Variants in ITPK1 observed in about 807,000 individuals in gnomAD.
The protein encoded by ITPK1 is inositol 1,3,4-trisphosphate 5/6-kinase.
A neutral mutation model predicts 45.3 loss-of-function variants in ITPK1; 21 were observed. The observed-to-expected ratio is 0.46, with a 90% CI of 0.33 to 0.67. ITPK1 has a LOEUF of 0.67. ITPK1 is among the 30% of genes least tolerant of loss of function. ITPK1 has a pLI of 0.02. For synonymous variants in ITPK1, 258 were observed against 253.6 expected (o/e 1.02, Z -0.16); for missense variants, 474 against 573.5 (o/e 0.83, Z 1.77).
intron 3 of ITPK1, among the ~76,000 whole-genome samples, chr14:93,043,830 C>T (rs1445101466): frequency 6.6e-6 from 1 of 152,248 alleles, no homozygotes; most frequent in Admixed American, 6.5e-5. Flanking sequence ...CAGCCCCACC[C>T]TTCCTCTCCT....
Position 92,941,659 on chromosome 14 carries a change from T to G in ITPK1, c.1147A>C (p.Lys383Gln), listed in dbSNP as rs1448261620. 4.2e-5 allele frequency: 65 copies of G among 1,540,380 alleles called. No homozygotes were observed. The highest frequency in any genetic ancestry group is 5.6e-5 in the Non-Finnish European group (64 of 1,145,358). Residue 383 changes from lysine (K) to glutamine (Q), a missense_variant, in exon 11 of 11, where the codon AAG (lysine) becomes CAG (glutamine). Physicochemically the swap from Lys to Gln is moderately conservative, Grantham distance 53. Around this residue, in one of 2 missense-constraint regions of ITPK1, gnomAD observed 107 missense variants for 92.9 expected, o/e 1.15. Transcript: ENST00000267615. ...KAEADAGGTA[K>Q]LPHQRLGCNA... Reference sequence around the variant, plus strand: ...CAGCCGAGTCTCTGGTGCGGCAGCTTGGCGGTGCCGCCCGCGTCGGCCTCA... The same window carrying G: ...CAGCCGAGTCTCTGGTGCGGCAGCTGGGCGGTGCCGCCCGCGTCGGCCTCA...
intron 3 of ITPK1, among the ~76,000 whole-genome samples, chr14:93,031,165 G>A (rs560251831): frequency 6.6e-5 from 10 of 152,128 alleles, no homozygotes; most frequent in Non-Finnish European, 1.5e-4. Flanking sequence ...TCTAAGGAAG[G>A]CCTGGGCAAG....
chr14:93,105,767 G>A (rs1235982500), intron 2 of ITPK1, among the ~76,000 whole-genome samples: 2 of 148,654 alleles, frequency 1.3e-5, no homozygotes, highest in East Asian at 2.0e-4. Context: ...ACAGTGGCGC[G>A]ATCTCGGCTC....
At chr14:93,021,594 A>T (rs1888466236) in intron 3 of ITPK1, among the ~76,000 whole-genome samples, 1 of 141,450 alleles carries the variant, frequency 7.1e-6, no homozygotes, top group Non-Finnish European at 1.6e-5. Context: ...CCCTGTCTCA[A>T]AAAAAAAAAG....
At chr14:92,946,236 G>A (rs568801050) in intron 10 of ITPK1, 95 bp downstream of exon 10, 1 of 1,417,652 alleles carries the variant, frequency 7.1e-7, no homozygotes, top group African/African-American at 1.4e-5. Flanking sequence ...GGAGAAAGCT[G>A]GCTTTCTGGC....
rs1272259415 is a variant in ITPK1 at position 93,010,147 on chromosome 14, C to T, written c.246+6529G>A. Among the ~76,000 whole-genome samples the T allele has an allele frequency of 1.3e-5, 2 of 152,250 alleles. 1 individual carries two copies. The highest frequency in any genetic ancestry group is 2.9e-5 in the Non-Finnish European group (2 of 68,050). ...CCCTTCCCGGGGCCCATGGTTCTTA[C>T]TCTGACCCCACTGGTCAGCAGGCAC... is the stretch of plus-strand genomic sequence containing the variant. On this transcript the variant is annotated intron_variant, in intron 4 of 10. Coordinates refer to ENST00000267615, the MANE Select transcript of ITPK1 (RefSeq NM_014216.6).
chr14:92,949,825 T>C (rs566965013), intron 9 of ITPK1, among the ~76,000 whole-genome samples: 60 of 152,340 alleles, frequency 3.9e-4, no homozygotes, highest in Non-Finnish European at 7.3e-4. Flanking sequence ...ATAGCCATCC[T>C]AGGACAAGAT....
rs1800532738 is a variant in ITPK1 at position 92,941,908 on chromosome 14, G to C, written c.902-4C>G. Reference sequence around the variant, plus strand: ...AACTCGCTCACGCCCTCGTAGCCTGGGGGTGGGAGAGAGACAGCACAAGGG... The same window carrying C: ...AACTCGCTCACGCCCTCGTAGCCTGCGGGTGGGAGAGAGACAGCACAAGGG... On this transcript the variant is annotated splice_polypyrimidine_tract_variant and splice_region_variant and intron_variant, in intron 10 of 10. Transcript: ENST00000267615. 7 of 1,610,586 alleles carry C rather than the reference G, an allele frequency of 4.3e-6. No homozygotes were observed. In the African/African-American group the frequency reaches 9.4e-5, roughly 22 times the overall value.
At chr14:93,015,167 G>A (rs1888114775) in intron 4 of ITPK1, among the ~76,000 whole-genome samples, 1 of 152,216 alleles carries the variant, frequency 6.6e-6, no homozygotes, top group East Asian at 1.9e-4. Context: ...GAACAGAAGA[G>A]CAAGCCCTCA....
intron 5 of ITPK1, among the ~76,000 whole-genome samples, chr14:92,985,467 A>T (rs892260681): frequency 6.6e-6 from 1 of 151,776 alleles, no homozygotes; most frequent in Non-Finnish European, 1.5e-5. Flanking sequence ...TAAAAATTAC[A>T]CTAAACAAAC....
intron 3 of ITPK1, among the ~76,000 whole-genome samples, chr14:93,052,674 CTATATTCAA>C (rs1890064039): frequency 6.6e-6 from 1 of 152,164 alleles, no homozygotes; most frequent in Admixed American, 6.5e-5. Context: ...CTGGCTCACT[CTATATTCAA>C]TATAATACCT....
intron 5 of ITPK1, among the ~76,000 whole-genome samples, chr14:92,986,477 A>G (rs987120131): frequency 6.6e-6 from 1 of 152,350 alleles, no homozygotes; most frequent in South Asian, 2.1e-4. Context: ...GCCTAGGATC[A>G]GCAGCAGTGC....
chr14:93,048,213 G>A (rs1027026268), intron 3 of ITPK1, among the ~76,000 whole-genome samples: 2 of 152,210 alleles, frequency 1.3e-5, no homozygotes, highest in African/African-American at 4.8e-5. Context: ...TTCTGACATC[G>A]ATGGTAGTAA....
intron 2 of ITPK1, among the ~76,000 whole-genome samples, chr14:93,084,335 C>A (rs974700449): frequency 6.6e-6 from 1 of 152,244 alleles, no homozygotes; most frequent in Non-Finnish European, 1.5e-5. Flanking sequence ...ACCTGAAGAG[C>A]TTTTTGATTG....
At chr14:92,986,763 G>T (rs922003056) in intron 5 of ITPK1, among the ~76,000 whole-genome samples, 3 of 152,200 alleles carry the variant, frequency 2.0e-5, no homozygotes, top group Non-Finnish European at 4.4e-5. Flanking sequence ...AGCTCTGAGT[G>T]AACAGACAGG....
At chr14:93,001,160 G>C (rs2139823648) in intron 4 of ITPK1, among the ~76,000 whole-genome samples, 1 of 151,752 alleles carries the variant, frequency 6.6e-6, no homozygotes, top group East Asian at 1.9e-4. Context: ...GGGCATGGTG[G>C]TGGGCGCCTG....
chr14:93,095,148 C>G (rs1267055219), intron 2 of ITPK1, among the ~76,000 whole-genome samples: 4 of 152,180 alleles, frequency 2.6e-5, no homozygotes, highest in Non-Finnish European at 5.9e-5. Context: ...CTCCAGCACC[C>G]CGCATGGTGT....
At position 93,102,901 on chromosome 14, in the gene ITPK1, C is replaced by A. The variant is rs191647639; in HGVS notation, c.95+12168G>T. Among the ~76,000 whole-genome samples, 534 of 150,754 alleles carry A rather than the reference C, an allele frequency of 3.5e-3. 1 individual carries two copies. The highest frequency in any genetic ancestry group is 5.2e-3 in the Non-Finnish European group (353 of 67,748). ...GGATCACGAGGTCAGGAGATCGAGA[C>A]CATCCTGGCTAACACGGTGAAACCC... On this transcript the variant is annotated intron_variant, in intron 2 of 10. Transcript: ENST00000267615.
rs764060976 is a variant in ITPK1 at position 93,020,483 on chromosome 14, T to A, written c.121-3682A>T. Reference sequence around the variant, plus strand: ...TTCCCTGCACCTCACAGGATTGTTATGAGTCCCAGAGCAAAAGTTCAATCC... The same window carrying A: ...TTCCCTGCACCTCACAGGATTGTTAAGAGTCCCAGAGCAAAAGTTCAATCC... On this transcript the variant is annotated intron_variant, in intron 3 of 10. Coordinates refer to ENST00000267615, the MANE Select transcript of ITPK1 (RefSeq NM_014216.6). Among the ~76,000 whole-genome samples, 22 of 152,214 alleles carry A rather than the reference T, an allele frequency of 1.4e-4. 1 individual carries two copies. The highest frequency in any genetic ancestry group is 3.3e-4 in the Admixed American group (5 of 15,288).
Sources: gnomAD v4.1 joint callset for allele counts (sites outside exome capture counted in the v4.1 genomes callset) on GRCh38, gnomAD v4.1.1 for gene constraint, gnomAD v4.1.1 regional missense constraint, MANE v1.5 for transcripts, NCBI Gene and HGNC (gene_info 2026-07-23, HGNC 2026-07-21) for gene names.